The following TRIOBP variants were observed in gnomAD, a reference collection of about 807,000 sequenced individuals.
TRIOBP encodes the protein TRIO and F-actin-binding protein.
In TRIOBP, 169 loss-of-function variants were observed where a neutral mutation model predicts 238.8. The observed-to-expected ratio is 0.71, with a 90% confidence interval of 0.62 to 0.80. The LOEUF is 0.80. Among genes scored for constraint, TRIOBP ranks in the 30% least tolerant of loss-of-function variants. The probability of loss-of-function intolerance (pLI) is 0.00; values close to 1 mark genes in which losing one functional copy is unlikely to be tolerated. For synonymous variants in TRIOBP, 1,150 were observed against 1,274.4 expected (o/e 0.90, Z 2.08); for missense variants, 2,838 against 3,122.6 (o/e 0.91, Z 2.17).
intron 18 of TRIOBP, among the ~76,000 whole-genome samples, chr22:37,766,324 C>T (rs920105946): frequency 2.0e-5 from 3 of 152,262 alleles, no homozygotes; most frequent in Admixed American, 6.5e-5. Context: ...TGCCACCGCA[C>T]ACCTGCTGTG....
intron 17 of TRIOBP, 120 bp downstream of exon 17, chr22:37,759,384 T>A (rs993315481): frequency 1.1e-5 from 14 of 1,281,118 alleles, no homozygotes; most frequent in Non-Finnish European, 1.3e-5. Context: ...GTGGGGCATT[T>A]GACATGCGTC....
chr22:37,719,202 CAAATAAATAAATAAAT>C (rs57821341), intron 6 of TRIOBP, among the ~76,000 whole-genome samples: 4 of 145,936 alleles, frequency 2.7e-5, no homozygotes, highest in East Asian at 4.2e-4. Flanking sequence ...GACTCCATCT[CAAATAAATAAATAAAT>C]AAATAAATAA....
rs184474900 is a variant in TRIOBP at position 37,720,959 on chromosome 22, G to A, written c.629-2226G>A. On this transcript the variant is annotated intron_variant, in intron 6 of 23. Transcript: ENST00000644935. ...TGCAACCTCCACCTCCCGGGTTCAA[G>A]CAATTCTCCAGCCTCTGCCTCCCGA... Among the ~76,000 whole-genome samples, 153 of 151,926 alleles carry A rather than the reference G, an allele frequency of 1.0e-3. 1 individual carries two copies. Among genetic ancestry groups the A allele is most frequent in the African/African-American group, 3.6e-3 (149 of 41,416 alleles).
chr22:37,732,660 G>T (rs1051538793), intron 7 of TRIOBP, among the ~76,000 whole-genome samples: 2 of 152,148 alleles, frequency 1.3e-5, no homozygotes, highest in Non-Finnish European at 2.9e-5. Flanking sequence ...TAAGCGCTGG[G>T]ATTCTGTTGG....
intron 3 of TRIOBP, 58 bp from the exon 4 acceptor site, chr22:37,710,369 G>T: frequency 1.9e-6 from 3 of 1,607,276 alleles, no homozygotes; most frequent in Non-Finnish European, 2.5e-6. Flanking sequence ...GGCTGTGCAG[G>T]GGGAGGGGAG....
intron 3 of TRIOBP, among the ~76,000 whole-genome samples, chr22:37,704,440 T>A (rs181012229): frequency 0.019 from 745 of 39,380 alleles, 4 homozygotes; most frequent in Middle Eastern, 0.065. Flanking sequence ...AACAGAACAG[T>A]ACAGAAAACA....
Position 37,734,672 on chromosome 22 carries a change from A to G in TRIOBP, c.4336A>G (p.Ser1446Gly). The change falls in exon 9 of 24, where the codon AGC becomes GGC. Residue 1446 changes from serine (S) to glycine (G), a missense_variant. By Grantham distance (56) the Ser-to-Gly change is moderately conservative. Coordinates refer to ENST00000644935, the MANE Select transcript of TRIOBP (RefSeq NM_001039141.3). Reference protein sequence around the residue: ...SQGPHRHLERSWSSQEGGLGP... With the variant: ...SQGPHRHLERGWSSQEGGLGP... ...GGGCCCTCATAGACACCTAGAAAGG[A>G]GCTGGAGCAGCCAGGAGGGAGGCCT... 6.2e-7 allele frequency: 1 copy of G among 1,601,422 alleles called. No homozygotes were observed. The highest frequency in any genetic ancestry group is 8.5e-7 in the Non-Finnish European group (1 of 1,174,556).
At position 37,759,137 on chromosome 22, in the gene TRIOBP, A is replaced by G. The variant is rs1180308167; in HGVS notation, c.6214-17A>G. The G allele has an allele frequency of 6.3e-7, 1 of 1,599,854 alleles. No homozygotes were observed. The highest frequency in any genetic ancestry group is 1.1e-5 in the South Asian group (1 of 89,632). ...CCCCAGCTTCCAGGTCCCACTGACC[A>G]CCCTTCTCCCTCGTAGGTTCAGGCT... On this transcript the variant is annotated splice_polypyrimidine_tract_variant and intron_variant, in intron 16 of 23. Coordinates refer to ENST00000644935, the MANE Select transcript of TRIOBP (RefSeq NM_001039141.3).
At chr22:37,742,840 G>A (rs770404319) in intron 11 of TRIOBP, among the ~76,000 whole-genome samples, 32 of 152,126 alleles carry the variant, frequency 2.1e-4, no homozygotes, top group Non-Finnish European at 4.0e-4. Context: ...ACTGCATGGC[G>A]CCACCTAATT....
chr22:37,743,838 T>TGTGTGTGC (rs1555898393), intron 11 of TRIOBP, among the ~76,000 whole-genome samples: 25 of 120,388 alleles, frequency 2.1e-4, no homozygotes, highest in African/African-American at 7.1e-4. Context: ...TGTGTGTGTG[T>TGTGTGTGC]GTGTGTGCTG....
chr22:37,713,141 C>T (rs932249727), intron 4 of TRIOBP, 69 bp from the exon 5 acceptor site: 3 of 1,400,342 alleles, frequency 2.1e-6, no homozygotes, highest in African/African-American at 2.8e-5. Context: ...TGAGTGAGTG[C>T]ATATGCCTGG....
intron 3 of TRIOBP, among the ~76,000 whole-genome samples, chr22:37,706,917 T>C (rs1262506327): frequency 6.6e-6 from 1 of 152,094 alleles, no homozygotes; most frequent in Non-Finnish European, 1.5e-5. Flanking sequence ...AGCCAGGCCC[T>C]GGGACCCAAC....
intron 11 of TRIOBP, among the ~76,000 whole-genome samples, chr22:37,744,784 C>G (rs1397176841): frequency 6.6e-6 from 1 of 152,188 alleles, no homozygotes; most frequent in Non-Finnish European, 1.5e-5. Context: ...GGAGAGACTC[C>G]TGGCAGCAAA....
chr22:37,739,384 C>T (rs1328400094), intron 10 of TRIOBP, among the ~76,000 whole-genome samples: 1 of 152,152 alleles, frequency 6.6e-6, no homozygotes, highest in Non-Finnish European at 1.5e-5. Context: ...GCTCTTCCTC[C>T]CGTTGCCTCC....
In TRIOBP at chr22:37,735,317, TC is replaced by T; in HGVS notation, c.4983del (p.Thr1662ProfsTer8). 6.2e-7 allele frequency: 1 copy of T among 1,612,936 alleles called. No homozygotes were observed. Among genetic ancestry groups the T allele is most frequent in the South Asian group, 1.1e-5 (1 of 91,072 alleles). On this transcript the variant is annotated frameshift_variant, in exon 9 of 24. Coordinates refer to ENST00000644935, the MANE Select transcript of TRIOBP (RefSeq NM_001039141.3). LOFTEE classifies it high-confidence loss of function. Reference protein sequence around the residue: ...PVQLPSPACTSTQWPKIKVTR... With the variant: ...PVQLPSPACTXTQWPKIKVTR... ...CCAGCTGCCCAGCCCTGCCTGCACC[TC>T]CACCCAGTGGCCAAAGATCAAAGTG...
At chr22:37,717,383 A>G (rs1923577273) in intron 6 of TRIOBP, among the ~76,000 whole-genome samples, 1 of 152,234 alleles carries the variant, frequency 6.6e-6, no homozygotes, top group Non-Finnish European at 1.5e-5. Flanking sequence ...GCGGGTTGCC[A>G]GAGCTGGCTG....
intron 4 of TRIOBP, among the ~76,000 whole-genome samples, chr22:37,712,536 T>A (rs930770267): frequency 6.6e-6 from 1 of 151,956 alleles, no homozygotes; most frequent in African/African-American, 2.4e-5. Flanking sequence ...GGTTTCACCA[T>A]GTTGGACAGG....
chr22:37,716,238 A>G (rs1361421056), intron 6 of TRIOBP, among the ~76,000 whole-genome samples: 1 of 151,754 alleles, frequency 6.6e-6, no homozygotes, highest in African/African-American at 2.4e-5. Flanking sequence ...CAGCCTCCCA[A>G]GTAGCTAAGA....
chr22:37,737,724 C>T (rs1014136157), intron 9 of TRIOBP, among the ~76,000 whole-genome samples: 3 of 152,086 alleles, frequency 2.0e-5, no homozygotes, highest in Non-Finnish European at 2.9e-5. Flanking sequence ...CCTTCCACTC[C>T]GGATTTGCCT....
Sources: gnomAD v4.1 joint callset for allele counts (sites outside exome capture counted in the v4.1 genomes callset) on GRCh38, gnomAD v4.1.1 for gene constraint, MANE v1.5 for transcripts, NCBI Gene and HGNC (gene_info 2026-07-23, HGNC 2026-07-21) for gene names.